The following PSG5 variants were observed in gnomAD, a reference collection of about 807,000 sequenced individuals.
PSG5 encodes pregnancy-specific beta-1-glycoprotein 5.
In PSG5, 53 loss-of-function variants were observed where a neutral mutation model predicts 37.7. That is an observed-to-expected ratio of 1.41 (90% CI 1.13 to 1.77). PSG5 has a LOEUF of 1.77. Among genes scored for constraint, PSG5 ranks in the 40% most tolerant of loss-of-function variants. The pLI, the probability that PSG5 is intolerant of heterozygous loss-of-function variation, is 0.00. For synonymous variants in PSG5, 221 were observed against 155.4 expected (o/e 1.42, Z -3.14); for missense variants, 547 against 405.2 (o/e 1.35, Z -3.00).
At chr19:43,184,089 T>C (rs575484703) in intron 2 of PSG5, among the ~76,000 whole-genome samples, 3 of 151,862 alleles carry the variant, frequency 2.0e-5, no homozygotes, top group African/African-American at 7.3e-5. Context: ...CCCTTCTGTT[T>C]ATGCTTCTGG....
intron 2 of PSG5, among the ~76,000 whole-genome samples, chr19:43,181,883 A>C (rs1463127740): frequency 6.6e-6 from 1 of 151,764 alleles, no homozygotes; most frequent in Non-Finnish European, 1.5e-5. Context: ...AAGAAGTGAC[A>C]GGAGAATGTG....
intron 2 of PSG5, chr19:43,179,274 C>T (rs566256293): frequency 7.6e-7 from 1 of 1,323,432 alleles, no homozygotes; most frequent in African/African-American, 1.5e-5. Context: ...CTTAAAAGCC[C>T]ATGGCAGGTG....
In PSG5 at chr19:43,175,230, T is replaced by C; in HGVS notation, c.949A>G (p.Thr317Ala). The change falls in exon 4 of 6, where the codon ACA becomes GCA. Residue 317 changes from threonine (T) to alanine (A), a missense_variant. Coordinates refer to ENST00000342951, the MANE Select transcript of PSG5 (RefSeq NM_002781.4). The stretch of plus-strand genomic sequence containing the variant: ...ATCCACTTACCAGAGACTTCGACTG[T>C]CATGGATTTGGAGCTTTCCTTGCCA... ...ATGKESSKSM[T>A]VEVSAPSGIG... is the part of the protein sequence containing the mutation. The C allele has an allele frequency of 6.2e-7, 1 of 1,612,688 alleles. No individual in the cohort carries two copies.
At chr19:43,186,160 T>A (rs1010006453) in intron 1 of PSG5, among the ~76,000 whole-genome samples, 182 bp downstream of exon 1, 1 of 151,292 alleles carries the variant, frequency 6.6e-6, no homozygotes. Flanking sequence ...GTATTTTTAG[T>A]AGAGACAGGG....
intron 4 of PSG5, 60 bp from the exon 5 acceptor site, chr19:43,170,198 C>T (rs1280397462): frequency 7.1e-7 from 1 of 1,413,410 alleles, no homozygotes; most frequent in South Asian, 1.1e-5. Flanking sequence ...ATGGGGGAGC[C>T]TCAGGAAGAG....
intron 2 of PSG5, among the ~76,000 whole-genome samples, chr19:43,179,720 C>T (rs995828030): frequency 2.0e-5 from 3 of 151,670 alleles, no homozygotes; most frequent in South Asian, 4.1e-4. Flanking sequence ...GTTCAGTCAT[C>T]AGGCAGTGGA....
intron 2 of PSG5, chr19:43,179,121 A>C: frequency 6.2e-7 from 1 of 1,603,700 alleles, no homozygotes; most frequent in Non-Finnish European, 8.5e-7. Flanking sequence ...CCTGGGGTTT[A>C]AGTTGCTACT....
At chr19:43,183,612 C>G (rs548493097) in intron 2 of PSG5, 1 of 361,964 alleles carries the variant, frequency 2.8e-6, no homozygotes, top group East Asian at 7.9e-5. Context: ...TTTGCACTGA[C>G]TCTGACGGTT....
At chr19:43,173,496 G>A (rs1968944249) in intron 4 of PSG5, among the ~76,000 whole-genome samples, 1 of 151,628 alleles carries the variant, frequency 6.6e-6, no homozygotes, top group Admixed American at 6.6e-5. Context: ...AAAGCTACAA[G>A]TCAACAACAG....
Position 43,175,663 on chromosome 19 carries a change from T to C in PSG5, c.710-194A>G, listed in dbSNP as rs919272185. 3.8e-5 allele frequency: 52 copies of C among 1,385,284 alleles called. 2 individuals carry two copies. Among genetic ancestry groups the C allele is most frequent in the Admixed American group, 7.6e-5 (3 of 39,678 alleles). 85.8% of individuals were successfully genotyped at this position (1,385,284 alleles called of 1,614,324 possible). On this transcript the variant is annotated intron_variant, in intron 3 of 5. Coordinates refer to ENST00000342951, the MANE Select transcript of PSG5 (RefSeq NM_002781.4). ...CATCACAAGCTATTGACACAAAGTC[T>C]CCCATGACAAGAGCGCCCCCTCCCC...
chr19:43,180,504 G>A lies in PSG5; in HGVS notation c.430+4278C>T, dbSNP rs542312278. 3.3e-5 allele frequency: 5 copies of A among 151,670 alleles called. No individual in the cohort carries two copies. The East Asian group carries it at 5.8e-4, about 18-fold the overall frequency. 9.4% of individuals were successfully genotyped at this position (151,670 alleles called of 1,614,324 possible). On this transcript the variant is annotated intron_variant, in intron 2 of 5. Transcript: ENST00000342951. ...GTTGAGTTTTGGAGCATTTCAGATT[G>A]TGGATTTCTGGATTTCCGATGCTCA...
Position 43,175,234 on chromosome 19 carries a change from G to C in PSG5, c.945C>G (p.Ser315=). The C allele has an allele frequency of 6.2e-7, 1 of 1,612,704 alleles. No individual in the cohort carries two copies. The highest frequency in any genetic ancestry group is 8.5e-7 in the Non-Finnish European group (1 of 1,179,172). ...ACTTACCAGAGACTTCGACTGTCAT[G>C]GATTTGGAGCTTTCCTTGCCAGTAG... The part of the protein sequence containing the change: ...NSATGKESSK[S]MTVEVSAPSG... Residue 315 remains serine (S), a synonymous_variant, in exon 4 of 6, where the codon TCC becomes TCG. Transcript: ENST00000342951.
Position 43,185,108 on chromosome 19 carries a change from T to A in PSG5, c.104A>T (p.Gln35Leu). 1.9e-6 allele frequency: 3 copies of A among 1,610,896 alleles called. No individual in the cohort carries two copies. The highest frequency in any genetic ancestry group is 2.5e-6 in the Non-Finnish European group (3 of 1,178,086). The change falls in exon 2 of 6, where the codon CAA becomes CTA. Residue 35 changes from glutamine (Q) to leucine (L), a missense_variant. Physicochemically the swap from Gln to Leu is moderately radical, Grantham distance 113. Transcript: ENST00000342951. ...LNFWNLPITA[Q>L]VTIEALPPKV... is the part of the protein sequence containing the mutation. ...GGGTGGCAGGGCTTCAATCGTGACT[T>A]GAGCAGTGATAGGCAGGTTCCAGAA... is the stretch of plus-strand genomic sequence containing the variant.
At chr19:43,176,635 G>T (rs1292624586) in intron 2 of PSG5, among the ~76,000 whole-genome samples, 2 of 151,224 alleles carry the variant, frequency 1.3e-5, no homozygotes, top group African/African-American at 4.9e-5. Flanking sequence ...AAGATACTGA[G>T]CAGTCTGGCC....
chr19:43,176,413 G>A (rs549857943), intron 2 of PSG5, among the ~76,000 whole-genome samples: 1 of 151,622 alleles, frequency 6.6e-6, no homozygotes, highest in African/African-American at 2.4e-5. Flanking sequence ...ACATCAGTGG[G>A]AGTCACAGCC....
At position 43,174,892 on chromosome 19, in the gene PSG5, T is replaced by C. The variant is rs188129578; in HGVS notation, c.964+323A>G. 2.0e-4 allele frequency: 241 copies of C among 1,206,532 alleles called. 4 individuals are homozygous for C. In the Middle Eastern group the frequency reaches 2.6e-3, roughly 13 times the overall value. The allele number at this position is 1,206,532 out of a possible 1,614,324, so 74.7% of individuals were successfully genotyped here. On this transcript the variant is annotated intron_variant, in intron 4 of 5. Transcript: ENST00000342951. ...AAAGACATGGCAGAAGGGGATGTGT[T>C]GGTGACATCGAGAAGCAACTTGATC...
intron 4 of PSG5, chr19:43,174,170 A>G (rs374411389): frequency 1.3e-5 from 2 of 151,988 alleles, no homozygotes; most frequent in South Asian, 2.1e-4. Context: ...AGCCAGTTAC[A>G]TAGAGACAGA....
chr19:43,170,481 T>C (rs114120969), intron 4 of PSG5: 3 of 453,666 alleles, frequency 6.6e-6, no homozygotes, highest in Admixed American at 2.8e-5. Flanking sequence ...GTCTCTCTGT[T>C]GTGGCAGCCA....
At chr19:43,179,216 A>T in intron 2 of PSG5, 1 of 1,497,894 alleles carries the variant, frequency 6.7e-7, no homozygotes, top group Non-Finnish European at 9.1e-7. Context: ...CTCCAAAGGC[A>T]CTTTTCAATC....
Sources: allele counts gnomAD v4.1 joint callset (sites outside exome capture counted in the v4.1 genomes callset), GRCh38; gene constraint gnomAD v4.1.1; transcripts MANE v1.5; gene names NCBI Gene and HGNC (gene_info 2026-07-23, HGNC 2026-07-21).